Variants in SCIN observed in about 807,000 individuals in gnomAD.
SCIN encodes the protein adseverin.
A neutral mutation model predicts 91.8 loss-of-function variants in SCIN; 91 were observed. The ratio of observed to expected loss-of-function variants is 0.99; its 90% CI spans 0.84 to 1.18. The LOEUF (loss-of-function observed/expected upper bound fraction) is 1.18, where lower values mean the gene tolerates loss of function less well. Among genes scored for constraint, SCIN ranks in the 50% most tolerant of loss-of-function variants. The pLI, the probability that SCIN is intolerant of heterozygous loss-of-function variation, is 0.00. For synonymous variants in SCIN, 367 were observed against 312.6 expected, an observed-to-expected ratio of 1.17 and a Z score of -1.84; for missense variants, 1,087 against 863.9, an observed-to-expected ratio of 1.26 and a Z score of -3.24.
intron 4 of SCIN, among the ~76,000 whole-genome samples, chr7:12,615,749 G>C (rs1783286530): frequency 6.6e-6 from 1 of 151,876 alleles, no homozygotes; most frequent in African/African-American, 2.4e-5. Context: ...TAGCATAGAA[G>C]TTATGCAAAT....
intron 4 of SCIN, among the ~76,000 whole-genome samples, chr7:12,609,577 GA>G (rs560181849): frequency 0.046 from 6,966 of 151,904 alleles, 233 homozygotes; most frequent in Non-Finnish European, 0.073. Flanking sequence ...CTTTCATTAA[GA>G]AAAAAACCCA....
chr7:12,625,334 A>G (rs2115273649), intron 6 of SCIN, among the ~76,000 whole-genome samples, 192 bp downstream of exon 6: 1 of 152,250 alleles, frequency 6.6e-6, no homozygotes, highest in Admixed American at 6.5e-5. Flanking sequence ...GGAGTTAAAA[A>G]AAAAGCATTT....
In SCIN at chr7:12,615,762, T is replaced by C. The variant is rs574750861; in HGVS notation, c.667-7039T>C. Among the ~76,000 whole-genome samples the C allele has an allele frequency of 3.3e-5, 5 of 152,208 alleles. No individual in the cohort carries two copies. In the East Asian group the frequency reaches 9.7e-4, roughly 29 times the overall value. The stretch of plus-strand genomic sequence containing the variant: ...TATAGCATAGAAGTTATGCAAATAT[T>C]TTTAAGTGCCTCAGAGTACTTGAAA... On this transcript the variant is annotated intron_variant, in intron 4 of 15. Transcript: ENST00000297029.
At chr7:12,628,635 T>C (rs892177652) in intron 8 of SCIN, among the ~76,000 whole-genome samples, 1 of 152,186 alleles carries the variant, frequency 6.6e-6, no homozygotes, top group Non-Finnish European at 1.5e-5. Context: ...CAGTGTGTTG[T>C]AGCATTTTTA....
At chr7:12,580,429 G>A (rs1286823556) in intron 2 of SCIN, among the ~76,000 whole-genome samples, 1 of 151,860 alleles carries the variant, frequency 6.6e-6, no homozygotes, top group Non-Finnish European at 1.5e-5. Flanking sequence ...CCAAGATATT[G>A]CATCTCTCCT....
chr7:12,626,198 A>G (rs763541087), intron 7 of SCIN: 19 of 311,136 alleles, frequency 6.1e-5, no homozygotes, highest in Non-Finnish European at 1.1e-4. Context: ...ATTTGTCTTC[A>G]TCGAAATCAA....
intron 4 of SCIN, among the ~76,000 whole-genome samples, chr7:12,610,754 C>T (rs1783173102): frequency 6.6e-6 from 1 of 152,122 alleles, no homozygotes; most frequent in African/African-American, 2.4e-5. Context: ...TTCTGCTCCT[C>T]TTCTTTTTTC....
At chr7:12,615,006 ACTTG>A (rs1783269838) in intron 4 of SCIN, among the ~76,000 whole-genome samples, 1 of 152,186 alleles carries the variant, frequency 6.6e-6, no homozygotes, top group African/African-American at 2.4e-5. Flanking sequence ...AGGCTATGTA[ACTTG>A]CTTAAGTAGA....
At chr7:12,601,816 A>G (rs1387717541) in intron 3 of SCIN, among the ~76,000 whole-genome samples, 1 of 152,176 alleles carries the variant, frequency 6.6e-6, no homozygotes, top group Non-Finnish European at 1.5e-5. Context: ...ATATTATTCT[A>G]TGTCTTTATT....
intron 3 of SCIN, among the ~76,000 whole-genome samples, chr7:12,602,259 T>C (rs954440621): frequency 3.3e-5 from 5 of 151,544 alleles, no homozygotes; most frequent in Non-Finnish European, 5.9e-5. Context: ...GGGGAGGGGG[T>C]GCAAGAACAG....
intron 10 of SCIN, among the ~76,000 whole-genome samples, chr7:12,636,823 AGAT>A (rs1252013885): frequency 6.6e-6 from 1 of 152,168 alleles, no homozygotes; most frequent in Non-Finnish European, 1.5e-5. Context: ...TAAATATTTG[AGAT>A]GATGTTATGC....
intron 4 of SCIN, among the ~76,000 whole-genome samples, chr7:12,609,093 G>A (rs769309258): frequency 1.3e-5 from 2 of 152,148 alleles, no homozygotes; most frequent in Non-Finnish European, 2.9e-5. Context: ...TCTCCAGGGT[G>A]ACCATAAATT....
Position 12,652,870 on chromosome 7 carries a change from G to A in SCIN, c.*155G>A. 3.6e-6 allele frequency: 3 copies of A among 824,644 alleles called. No individual in the cohort carries two copies. The highest frequency in any genetic ancestry group is 2.8e-5 in the Admixed American group (1 of 35,166). 51.1% of individuals were successfully genotyped at this position (824,644 alleles called of 1,614,324 possible). A position where few individuals can be genotyped will look rare whatever the true frequency, so the allele number is the denominator to read the frequency against. ...TGTAATCCCAGCACTTTGAGAGGAT[G>A]AGGTAGGCGGATCACTGGGGTCAGG... On this transcript the variant is annotated 3_prime_UTR_variant, in exon 16 of 16. Transcript: ENST00000297029.
Position 12,626,725 on chromosome 7 carries a change from GC to G in SCIN, c.1125del (p.Ser376GlnfsTer28), listed in dbSNP as rs1562623178. On this transcript the variant is annotated frameshift_variant, in exon 8 of 16. Transcript: ENST00000297029. LOFTEE classifies it high-confidence loss of function. ...VAQIKQIPFD[A>X]SKLHSSPQMA... ...TCAAATAAAACAAATTCCCTTTGAT[GC>G]CTCAAAATTACACAGTTCTCCGCAG... The G allele has an allele frequency of 6.2e-7, 1 of 1,607,818 alleles. No individual in the cohort carries two copies.
intron 9 of SCIN, among the ~76,000 whole-genome samples, chr7:12,634,998 C>T (rs1783718869): frequency 1.3e-5 from 2 of 151,754 alleles, no homozygotes; most frequent in South Asian, 2.1e-4. Context: ...ACCAGCCTGA[C>T]CAACGTGGTG....
chr7:12,645,084 C>A (rs1195927780), intron 13 of SCIN, among the ~76,000 whole-genome samples: 1 of 149,852 alleles, frequency 6.7e-6, no homozygotes, highest in African/African-American at 2.5e-5. Context: ...CTTTGGGAAG[C>A]TGAGACGGGT....
In SCIN at chr7:12,570,999, G is replaced by A; in HGVS notation, c.199+14G>A. 1.9e-6 allele frequency: 3 copies of A among 1,544,206 alleles called. No homozygotes were observed. Among genetic ancestry groups the A allele is most frequent in the Non-Finnish European group, 2.6e-6 (3 of 1,142,582 alleles). On this transcript the variant is annotated intron_variant, in intron 1 of 15. Coordinates refer to ENST00000297029, the MANE Select transcript of SCIN (RefSeq NM_001112706.3). ...ACTTCTGGCTCGGTAAGGGACGGCG[G>A]GCGGCGGGACCCCGACGCACCAAGG... is the stretch of plus-strand genomic sequence containing the variant.
intron 3 of SCIN, among the ~76,000 whole-genome samples, chr7:12,603,306 G>A (rs532667155): frequency 5.9e-5 from 9 of 151,990 alleles, no homozygotes; most frequent in South Asian, 2.1e-4. Flanking sequence ...CACTACACCT[G>A]GCTAATTTTT....
At chr7:12,605,793 GT>G (rs1783070386) in intron 4 of SCIN, among the ~76,000 whole-genome samples, 1 of 152,128 alleles carries the variant, frequency 6.6e-6, no homozygotes, top group Non-Finnish European at 1.5e-5. Flanking sequence ...AAATATGCCA[GT>G]ATTTAAAATA....
Sources: gnomAD v4.1 joint callset for allele counts (sites outside exome capture counted in the v4.1 genomes callset) on GRCh38, gnomAD v4.1.1 for gene constraint, MANE v1.5 for transcripts, NCBI Gene and HGNC (gene_info 2026-07-23, HGNC 2026-07-21) for gene names.